Variants in CDH20 observed in about 807,000 individuals in gnomAD.
CDH20 encodes the protein cadherin 20, also known as cadherin-20.
Under a neutral mutation model 74.2 loss-of-function variants are expected in CDH20, and 29 were observed. That is an observed-to-expected ratio of 0.39 (90% CI 0.29 to 0.53). The LOEUF is 0.53. Among genes scored for constraint, CDH20 ranks in the 20% least tolerant of loss-of-function variants. The pLI, the probability that CDH20 is intolerant of heterozygous loss-of-function variation, is 0.69. For synonymous variants in CDH20, 469 were observed against 405.4 expected, an observed-to-expected ratio of 1.16 and a Z score of -1.88; for missense variants, 988 against 1,048.3, an observed-to-expected ratio of 0.94 and a Z score of 0.79.
At chr18:61,489,717 A>T (rs1243014746) in intron 1 of CDH20, among the ~76,000 whole-genome samples, 1 of 152,072 alleles carries the variant, frequency 6.6e-6, no homozygotes, top group Non-Finnish European at 1.5e-5. Flanking sequence ...GTTGTGAAGG[A>T]TATAATGATC....
intron 1 of CDH20, among the ~76,000 whole-genome samples, chr18:61,370,293 TTCATAGGATG>T (rs1599041109): frequency 6.6e-6 from 1 of 152,060 alleles, no homozygotes; most frequent in African/African-American, 2.4e-5. Context: ...CTATCCTAAG[TTCATAGGATG>T]CTTGCTGCCT....
chr18:61,387,084 G>T (rs1430431296), intron 1 of CDH20, among the ~76,000 whole-genome samples: 1 of 152,112 alleles, frequency 6.6e-6, no homozygotes, highest in African/African-American at 2.4e-5. Flanking sequence ...CTCAATTTTT[G>T]TCAGCCAGGA....
At chr18:61,391,910 C>T (rs1911797770) in intron 1 of CDH20, among the ~76,000 whole-genome samples, 1 of 152,046 alleles carries the variant, frequency 6.6e-6, no homozygotes, top group African/African-American at 2.4e-5. Context: ...AATCCCCTTC[C>T]TCCATCTCCT....
chr18:61,367,646 T>C (rs892780274), intron 1 of CDH20, among the ~76,000 whole-genome samples: 4 of 152,162 alleles, frequency 2.6e-5, no homozygotes, highest in African/African-American at 9.7e-5. Flanking sequence ...CCTTGAATCA[T>C]TCTATGACTC....
chr18:61,432,302 G>A (rs1019661365), intron 1 of CDH20, among the ~76,000 whole-genome samples: 2 of 149,390 alleles, frequency 1.3e-5, no homozygotes, highest in African/African-American at 4.9e-5. Flanking sequence ...ACTGTGCCAC[G>A]GCACTGCCCT....
rs1911734394 is a variant in CDH20, at chr18:61,390,250, C to T, written c.-153+56423C>T. On this transcript the variant is annotated intron_variant, in intron 1 of 11. Transcript: ENST00000262717. ...GTGGAATGAATAAATCATCTAGAAC[C>T]ATATAGTGATTTAGTGAAATACATA... Among the ~76,000 whole-genome samples, 3 of 152,128 alleles carry T rather than the reference C, an allele frequency of 2.0e-5. No individual in the cohort carries two copies. In the South Asian group the frequency reaches 6.2e-4, roughly 32 times the overall value.
chr18:61,388,765 A>G (rs78241252), intron 1 of CDH20, among the ~76,000 whole-genome samples: 6,393 of 152,248 alleles, frequency 0.042, 186 homozygotes, highest in South Asian at 0.084. Flanking sequence ...TCTTCCCTGA[A>G]CCAACAGAAA....
chr18:61,515,794 G>GT (rs1314914459), intron 6 of CDH20, among the ~76,000 whole-genome samples: 11 of 132,650 alleles, frequency 8.3e-5, no homozygotes, highest in Admixed American at 1.6e-4. Flanking sequence ...CGGGGGAGGG[G>GT]GGAGGGATAG....
At chr18:61,396,035 C>CA (rs1326483006) in intron 1 of CDH20, among the ~76,000 whole-genome samples, 1 of 113,480 alleles carries the variant, frequency 8.8e-6, no homozygotes, top group Non-Finnish European at 2.0e-5. Context: ...CCTGTGCACT[C>CA]ACAGAGTGTG....
At chr18:61,535,132 G>A (rs552288867) in intron 7 of CDH20, among the ~76,000 whole-genome samples, 111 of 151,990 alleles carry the variant, frequency 7.3e-4, no homozygotes, top group Non-Finnish European at 1.2e-3. Context: ...ACTGGCCAAC[G>A]TGGCAAAACC....
At chr18:61,373,131 C>T (rs561063868) in intron 1 of CDH20, among the ~76,000 whole-genome samples, 27 of 151,248 alleles carry the variant, frequency 1.8e-4, no homozygotes, top group African/African-American at 6.3e-4. Context: ...AGTTGTCTTA[C>T]ACAGATGGCA....
intron 1 of CDH20, among the ~76,000 whole-genome samples, chr18:61,396,045 G>A (rs1267710314): frequency 1.3e-5 from 2 of 151,176 alleles, no homozygotes; most frequent in Non-Finnish European, 3.0e-5. Context: ...CACAGAGTGT[G>A]TGTGTGTTTG....
At chr18:61,543,316 C>T (rs1200482912) in intron 9 of CDH20, among the ~76,000 whole-genome samples, 1 of 152,168 alleles carries the variant, frequency 6.6e-6, no homozygotes, top group Non-Finnish European at 1.5e-5. Flanking sequence ...GGTAGAAGCA[C>T]AGCTGGCTTT....
intron 1 of CDH20, among the ~76,000 whole-genome samples, chr18:61,410,991 G>C (rs1912475975): frequency 6.6e-6 from 1 of 152,142 alleles, no homozygotes; most frequent in Admixed American, 6.5e-5. Context: ...ACAAGGTCAG[G>C]AGATCAAGAC....
intron 1 of CDH20, among the ~76,000 whole-genome samples, chr18:61,462,582 C>G (rs1909819589): frequency 6.6e-6 from 1 of 152,160 alleles, no homozygotes; most frequent in Non-Finnish European, 1.5e-5. Context: ...GTAACTTTAC[C>G]AAAATGACAT....
chr18:61,398,635 C>A (rs1912063169), intron 1 of CDH20, among the ~76,000 whole-genome samples: 1 of 152,144 alleles, frequency 6.6e-6, no homozygotes, highest in South Asian at 2.1e-4. Flanking sequence ...TTAAGATGGT[C>A]TCCCCTATCT....
intron 3 of CDH20, among the ~76,000 whole-genome samples, chr18:61,499,786 A>G (rs7239862): frequency 0.64 from 96,373 of 151,458 alleles, 30,913 homozygotes; most frequent in South Asian, 0.74. Flanking sequence ...AGGGAGAAAT[A>G]TTTTGTTATT....
intron 1 of CDH20, among the ~76,000 whole-genome samples, chr18:61,401,434 GGT>G (rs138126487): frequency 8.6e-5 from 13 of 151,148 alleles, no homozygotes; most frequent in Non-Finnish European, 1.3e-4. Context: ...TCAATGATCA[GGT>G]GTGTGTGTGT....
chr18:61,395,278 C>A (rs923772655), intron 1 of CDH20, among the ~76,000 whole-genome samples: 12 of 152,142 alleles, frequency 7.9e-5, no homozygotes, highest in Admixed American at 2.6e-4. Flanking sequence ...AGTTTACAAG[C>A]CTTTGTAACC....
Sources: gnomAD v4.1 joint callset for allele counts (sites outside exome capture counted in the v4.1 genomes callset) on GRCh38, gnomAD v4.1.1 for gene constraint, MANE v1.5 for transcripts, NCBI Gene and HGNC (gene_info 2026-07-23, HGNC 2026-07-21) for gene names.